The following ZNF385D variants were observed in gnomAD, a reference collection of about 807,000 sequenced individuals.
ZNF385D encodes zinc finger protein 385D.
A neutral mutation model predicts 35.8 loss-of-function variants in ZNF385D; 15 were observed. The observed-to-expected ratio is 0.42, with a 90% CI of 0.28 to 0.64. The LOEUF (loss-of-function observed/expected upper bound fraction) is 0.64. Among genes scored for constraint, ZNF385D ranks in the 30% least tolerant of loss-of-function variants. The pLI, the probability that ZNF385D is intolerant of heterozygous loss-of-function variation, is 0.23. For synonymous variants in ZNF385D, 212 were observed against 186.8 expected (o/e 1.13, Z -1.10); for missense variants, 474 against 494.6 (o/e 0.96, Z 0.39).
chr3:22,308,281 TA>T (rs1219924049), intron 2 of ZNF385D, among the ~76,000 whole-genome samples: 2 of 152,110 alleles, frequency 1.3e-5, no homozygotes, highest in African/African-American at 4.8e-5. Flanking sequence ...TTTATATTAT[TA>T]AAAAATAATT....
At chr3:22,070,917 A>C (rs2125562192) in intron 3 of ZNF385D, among the ~76,000 whole-genome samples, 1 of 152,300 alleles carries the variant, frequency 6.6e-6, no homozygotes, top group East Asian at 1.9e-4. Context: ...TGAAATATTT[A>C]AGAAATAGTC....
chr3:22,038,326 C>T (rs759693922), intron 3 of ZNF385D, among the ~76,000 whole-genome samples: 27 of 152,222 alleles, frequency 1.8e-4, no homozygotes, highest in East Asian at 7.7e-4. Context: ...TCCCTGGAGT[C>T]GAATTGCCTA....
chr3:22,097,604 A>C (rs539651861), intron 3 of ZNF385D, among the ~76,000 whole-genome samples: 1 of 152,078 alleles, frequency 6.6e-6, no homozygotes, highest in African/African-American at 2.4e-5. Flanking sequence ...CTATGATAAA[A>C]TGAGAAATGA....
intron 3 of ZNF385D, among the ~76,000 whole-genome samples, chr3:21,997,864 C>T (rs62248416): frequency 0.03 from 3,194 of 105,806 alleles, 122 homozygotes; most frequent in African/African-American, 0.099. Context: ...TTGGCGCGCG[C>T]GCGCGCGCGT....
intron 2 of ZNF385D, among the ~76,000 whole-genome samples, chr3:22,370,928 G>A (rs767929063): frequency 6.6e-6 from 1 of 152,088 alleles, no homozygotes; most frequent in Non-Finnish European, 1.5e-5. Context: ...TCCTAACACA[G>A]ACAACTTCCA....
At chr3:21,633,198 A>G (rs963861462) in intron 2 of ZNF385D, among the ~76,000 whole-genome samples, 1 of 152,106 alleles carries the variant, frequency 6.6e-6, no homozygotes, top group Non-Finnish European at 1.5e-5. Context: ...ACAACAGTAC[A>G]ACTAAATTGT....
intron 3 of ZNF385D, among the ~76,000 whole-genome samples, chr3:21,979,164 C>G (rs1192966637): frequency 6.6e-6 from 1 of 151,958 alleles, no homozygotes; most frequent in Non-Finnish European, 1.5e-5. Context: ...GTAGAATAGT[C>G]TGGGCTGGGT....
chr3:22,178,941 T>G (rs1695026839), intron 2 of ZNF385D, among the ~76,000 whole-genome samples: 1 of 151,878 alleles, frequency 6.6e-6, no homozygotes, highest in Non-Finnish European at 1.5e-5. Context: ...TCCATTGGTC[T>G]ATATCTCTGT....
At chr3:21,952,788 T>C (rs1218777998) in intron 3 of ZNF385D, among the ~76,000 whole-genome samples, 3 of 151,970 alleles carry the variant, frequency 2.0e-5, no homozygotes, top group Non-Finnish European at 4.4e-5. Flanking sequence ...ATATATTTTA[T>C]GATTCTTTCA....
At chr3:21,735,415 A>C (rs187961529) in intron 1 of ZNF385D, among the ~76,000 whole-genome samples, 10 of 152,218 alleles carry the variant, frequency 6.6e-5, no homozygotes, top group Admixed American at 5.2e-4. Flanking sequence ...TAGGCAATTA[A>C]ATTTGTTAAT....
intron 3 of ZNF385D, among the ~76,000 whole-genome samples, chr3:21,762,377 CT>C (rs1385994425): frequency 6.6e-6 from 1 of 152,040 alleles, no homozygotes; most frequent in Non-Finnish European, 1.5e-5. Context: ...CGGTAAAGCT[CT>C]TTTCCACTGT....
At chr3:21,976,321 C>T (rs1167802311) in intron 3 of ZNF385D, among the ~76,000 whole-genome samples, 1 of 151,980 alleles carries the variant, frequency 6.6e-6, no homozygotes, top group African/African-American at 2.4e-5. Flanking sequence ...GACACAAATA[C>T]TACAGTAATA....
intron 3 of ZNF385D, among the ~76,000 whole-genome samples, chr3:21,806,172 A>G (rs1331088693): frequency 6.9e-6 from 1 of 145,200 alleles, no homozygotes; most frequent in Non-Finnish European, 1.5e-5. Context: ...TCACTTCTGC[A>G]TTCCTTCTTT....
At chr3:21,808,978 A>G (rs1267058677) in intron 3 of ZNF385D, among the ~76,000 whole-genome samples, 1 of 152,218 alleles carries the variant, frequency 6.6e-6, no homozygotes, top group Non-Finnish European at 1.5e-5. Flanking sequence ...TGCATTCTAA[A>G]CATCAATGGG....
intron 2 of ZNF385D, among the ~76,000 whole-genome samples, chr3:21,656,352 T>A (rs1402204400): frequency 6.6e-6 from 1 of 151,946 alleles, no homozygotes; most frequent in Non-Finnish European, 1.5e-5. Context: ...AAATCCAAGA[T>A]CAAGGTGTCA....
intron 2 of ZNF385D, among the ~76,000 whole-genome samples, chr3:22,320,935 G>T (rs1694381108): frequency 6.6e-6 from 1 of 151,738 alleles, no homozygotes; most frequent in Admixed American, 6.6e-5. Context: ...GTTATTGGAA[G>T]AAAAATGGAT....
chr3:21,979,163 T>C (rs1404286803), intron 3 of ZNF385D, among the ~76,000 whole-genome samples: 3 of 152,056 alleles, frequency 2.0e-5, no homozygotes, highest in Non-Finnish European at 4.4e-5. Flanking sequence ...TGTAGAATAG[T>C]CTGGGCTGGG....
chr3:21,815,830 T>G (rs550835917), intron 3 of ZNF385D, among the ~76,000 whole-genome samples: 1 of 152,344 alleles, frequency 6.6e-6, no homozygotes, highest in African/African-American at 2.4e-5. Context: ...ACTCATTTTA[T>G]GAGGCCAGCA....
intron 3 of ZNF385D, among the ~76,000 whole-genome samples, chr3:22,136,840 G>A (rs1311611153): frequency 6.6e-6 from 1 of 152,026 alleles, no homozygotes; most frequent in Non-Finnish European, 1.5e-5. Flanking sequence ...ATCTGAAAAG[G>A]CATACACTGT....
Sources: allele counts gnomAD v4.1 joint callset (sites outside exome capture counted in the v4.1 genomes callset), GRCh38; gene constraint gnomAD v4.1.1; transcripts MANE v1.5; gene names NCBI Gene and HGNC (gene_info 2026-07-23, HGNC 2026-07-21).